DLGAP4: variants seen among roughly 807,000 people sequenced by gnomAD.
DLGAP4 encodes disks large-associated protein 4.
Under a neutral mutation model 86.9 loss-of-function variants are expected in DLGAP4, and 18 were observed. That is an observed-to-expected ratio of 0.21 (90% confidence interval 0.14 to 0.31). The LOEUF is 0.31. Ranked by LOEUF, DLGAP4 falls within the 10% of genes least tolerant of loss-of-function variation. DLGAP4 has a pLI of 1.00. For missense variants in DLGAP4, 1,085 were observed against 1,362.6 expected (o/e 0.80, Z 3.21); for synonymous variants, 548 against 574.3 (o/e 0.95, Z 0.65).
In DLGAP4 at chr20:36,350,589, A is replaced by AC. The variant is rs1306861452; in HGVS notation, c.-303-16455dup. On this transcript the variant is annotated intron_variant, in intron 1 of 12. Coordinates refer to ENST00000339266, the MANE Select transcript of DLGAP4 (RefSeq NM_001365621.2). This position sits in a 1 kb window ranked among gnomAD's most constrained non-coding sequence, Gnocchi z 4.4. ...GGTGAATCAGATGATACAATGGCTG[A>AC]CAAGGGCATGCCCTCTGTACCAGGG... Among the ~76,000 whole-genome samples the AC allele has an allele frequency of 1.3e-5, 2 of 152,216 alleles. No individual in the cohort carries two copies. Among genetic ancestry groups the AC allele is most frequent in the African/African-American group, 4.8e-5 (2 of 41,464 alleles).
chr20:36,438,428 T>C (rs1265664320), intron 4 of DLGAP4, among the ~76,000 whole-genome samples: 1 of 149,766 alleles, frequency 6.7e-6, no homozygotes, highest in African/African-American at 2.4e-5. Flanking sequence ...TATATTGCTC[T>C]CCCCTTGCTC....
intron 2 of DLGAP4, among the ~76,000 whole-genome samples, chr20:36,397,723 G>C (rs1247212650): frequency 6.6e-6 from 1 of 152,092 alleles, no homozygotes; most frequent in Non-Finnish European, 1.5e-5. Context: ...GAGTTATTTA[G>C]AAATAGATGT....
intron 7 of DLGAP4, among the ~76,000 whole-genome samples, chr20:36,450,938 G>C (rs1382750520): frequency 6.6e-6 from 1 of 152,224 alleles, no homozygotes; most frequent in East Asian, 1.9e-4. Flanking sequence ...CTAGTCTACT[G>C]TTCTCCACAG....
At chr20:36,487,059 G>T (rs1040253167) in intron 7 of DLGAP4, among the ~76,000 whole-genome samples, 41 of 152,306 alleles carry the variant, frequency 2.7e-4, no homozygotes, top group African/African-American at 9.6e-4. Context: ...TGCTGGGGTG[G>T]AGAGACGCTG....
chr20:36,431,679 C>T lies in DLGAP4; in HGVS notation c.-39C>T, dbSNP rs1199864965. 1.3e-6 allele frequency: 2 copies of T among 1,526,090 alleles called. No homozygotes were observed. Among genetic ancestry groups the T allele is most frequent in the Non-Finnish European group, 1.8e-6 (2 of 1,137,068 alleles). The allele number at this position is 1,526,090 out of a possible 1,614,324, so 94.5% of individuals were successfully genotyped here. A position where few individuals can be genotyped will look rare whatever the true frequency, so the allele number is the denominator to read the frequency against. Reference sequence around the variant, plus strand: ...CCGCCCGGGAGAGGTGACCCGGGCGCCCTGCTAGGGTGAAGGCCCCTGCCC... The same window carrying T: ...CCGCCCGGGAGAGGTGACCCGGGCGTCCTGCTAGGGTGAAGGCCCCTGCCC... On this transcript the variant is annotated 5_prime_UTR_variant, in exon 3 of 13. Coordinates refer to ENST00000339266, the MANE Select transcript of DLGAP4 (RefSeq NM_001365621.2). This position sits in a 1 kb window ranked among gnomAD's most constrained non-coding sequence, Gnocchi z 5.1.
chr20:36,353,676 G>A (rs1471268332), intron 1 of DLGAP4, among the ~76,000 whole-genome samples: 1 of 152,214 alleles, frequency 6.6e-6, no homozygotes, highest in Non-Finnish European at 1.5e-5. Context: ...CAGAGCTGGG[G>A]CTCCAACCTG....
intron 2 of DLGAP4, among the ~76,000 whole-genome samples, chr20:36,392,074 C>T (rs1464758859): frequency 2.6e-5 from 4 of 152,118 alleles, no homozygotes; most frequent in South Asian, 2.1e-4. Flanking sequence ...GGTCGTGTCC[C>T]GAACAGCAGA....
chr20:36,324,214 G>C (rs6124387), intron 1 of DLGAP4, among the ~76,000 whole-genome samples: 9,816 of 152,158 alleles, frequency 0.065, 469 homozygotes, highest in East Asian at 0.19. Flanking sequence ...ATCATTTGAG[G>C]TCAGGAGTTT....
In DLGAP4 at chr20:36,442,750, C is replaced by T; in HGVS notation, c.1380C>T (p.Ile460=). 6.2e-7 allele frequency: 1 copy of T among 1,614,190 alleles called. No individual in the cohort carries two copies. The highest frequency in any genetic ancestry group is 8.5e-7 in the Non-Finnish European group (1 of 1,180,038). ...AGATTTTTGGACAGGCCTCCCTGATCCCCCAGTTGTTTGGCCATGAGCAGC... is the reference window on the plus strand; with the variant it reads ...AGATTTTTGGACAGGCCTCCCTGATTCCCCAGTTGTTTGGCCATGAGCAGC... ...ISQIFGQASL[I]PQLFGHEQQV... The change falls in exon 6 of 13, where the codon ATC becomes ATT. Residue 460 remains isoleucine, a synonymous_variant. Transcript: ENST00000339266.
chr20:36,366,824 C>T (rs556998139), intron 1 of DLGAP4, among the ~76,000 whole-genome samples: 1 of 152,186 alleles, frequency 6.6e-6, no homozygotes, highest in Non-Finnish European at 1.5e-5. Flanking sequence ...TGTAAATATG[C>T]ATGACATGCA....
Position 36,499,453 on chromosome 20 carries a change from C to T in DLGAP4, c.2011-135C>T, listed in dbSNP as rs546537797. 442 of 1,343,794 alleles carry T rather than the reference C, an allele frequency of 3.3e-4. 4 individuals are homozygous for T. In the African/African-American group the frequency reaches 5.5e-3, roughly 17 times the overall value. 83.2% of individuals were successfully genotyped at this position (1,343,794 alleles called of 1,614,324 possible). ...CGGCCTCGGGCCCACGTGCAGTGTCCGCATGCCTCGTGTCTGTCTGTCCAC... is the reference window on the plus strand; with the variant it reads ...CGGCCTCGGGCCCACGTGCAGTGTCTGCATGCCTCGTGTCTGTCTGTCCAC... On this transcript the variant is annotated intron_variant, in intron 8 of 12. Coordinates refer to ENST00000339266, the MANE Select transcript of DLGAP4 (RefSeq NM_001365621.2).
intron 7 of DLGAP4, among the ~76,000 whole-genome samples, chr20:36,479,165 G>A (rs1320160345): frequency 6.6e-6 from 1 of 152,164 alleles, no homozygotes; most frequent in Non-Finnish European, 1.5e-5. Flanking sequence ...GTTGAGTGGG[G>A]CGGGCTCTGT....
intron 2 of DLGAP4, among the ~76,000 whole-genome samples, chr20:36,411,884 G>A (rs931459757): frequency 6.6e-6 from 1 of 152,160 alleles, no homozygotes; most frequent in Non-Finnish European, 1.5e-5. Context: ...ACCTTTGTCT[G>A]TGGAAATCTT....
intron 2 of DLGAP4, among the ~76,000 whole-genome samples, chr20:36,414,377 A>C (rs2032594729): frequency 6.6e-6 from 1 of 152,220 alleles, no homozygotes; most frequent in Non-Finnish European, 1.5e-5. Context: ...CCCGCCCTGC[A>C]GCTGTGGCCA....
At chr20:36,465,189 G>A (rs2034293390) in intron 7 of DLGAP4, 1 of 150,574 alleles carries the variant, frequency 6.6e-6, no homozygotes, top group Non-Finnish European at 1.5e-5. Flanking sequence ...ATGCCCTGTG[G>A]TTGGGGTTTA....
At chr20:36,476,318 C>CTTTTTTT (rs1028980966) in intron 7 of DLGAP4, among the ~76,000 whole-genome samples, 1 of 119,598 alleles carries the variant, frequency 8.4e-6, no homozygotes, top group African/African-American at 3.1e-5. Flanking sequence ...TGGCAACCAC[C>CTTTTTTT]TTTTTTTTTT....
In DLGAP4 at chr20:36,500,440, G is replaced by A. The variant is rs2036095090; in HGVS notation, c.2341G>A (p.Asp781Asn). The A allele has an allele frequency of 1.3e-6, 2 of 1,575,286 alleles. No individual in the cohort carries two copies. Among genetic ancestry groups the A allele is most frequent in the Non-Finnish European group, 1.7e-6 (2 of 1,157,980 alleles). The change falls in exon 10 of 13, where the codon GAC (aspartate) becomes AAC (asparagine). Residue 781 changes from aspartate (D) to asparagine (N), a missense_variant. Physicochemically the swap from Asp to Asn is conservative, Grantham distance 23 (BLOSUM62 1). Coordinates refer to ENST00000339266, the MANE Select transcript of DLGAP4 (RefSeq NM_001365621.2). This position sits in a 1 kb window ranked among gnomAD's most constrained non-coding sequence, Gnocchi z 4.6. ...ALEASSLPPP[D>N]PWLETSSSSP... is the part of the protein sequence containing the mutation. ...AGAGGCGTCCTCGCTGCCCCCACCC[G>A]ACCCCTGGCTCGAGACCTCCTCCAG...
intron 10 of DLGAP4, among the ~76,000 whole-genome samples, chr20:36,521,482 C>G (rs1314297311): frequency 6.6e-6 from 1 of 152,182 alleles, no homozygotes; most frequent in Non-Finnish European, 1.5e-5. Flanking sequence ...AAGCCAGACA[C>G]AGGTCCCCAC....
intron 2 of DLGAP4, among the ~76,000 whole-genome samples, chr20:36,394,545 T>C (rs982935472): frequency 3.9e-5 from 6 of 152,160 alleles, no homozygotes; most frequent in South Asian, 2.1e-4. Context: ...TGGGCTGTGG[T>C]GCGTGTGTGT....
Sources: allele counts gnomAD v4.1 joint callset (sites outside exome capture counted in the v4.1 genomes callset), GRCh38; gene constraint gnomAD v4.1.1; non-coding constraint Gnocchi (gnomAD v3.1); transcripts MANE v1.5; gene names NCBI Gene and HGNC (gene_info 2026-07-23, HGNC 2026-07-21).